HPSE2: variants seen among roughly 807,000 people sequenced by gnomAD.
HPSE2 encodes heparanase 2 (inactive), also known as inactive heparanase-2.
HPSE2 carries 38 observed loss-of-function variants against 60.5 expected under a neutral mutation model. The observed-to-expected ratio is 0.63, with a 90% CI of 0.48 to 0.82. HPSE2 has a LOEUF of 0.82. HPSE2 is among the 40% of genes least tolerant of loss of function. The pLI, the probability that HPSE2 is intolerant of heterozygous loss-of-function variation, is 0.00. For synonymous variants in HPSE2, 295 were observed against 293.2 expected (o/e 1.01, Z -0.06); for missense variants, 713 against 740.4 (o/e 0.96, Z 0.43).
chr10:98,762,398 G>C (rs547279203), intron 3 of HPSE2, among the ~76,000 whole-genome samples: 11 of 152,066 alleles, frequency 7.2e-5, no homozygotes, highest in Admixed American at 2.6e-4. Context: ...GAGACAGAGA[G>C]AAAATGTTCG....
intron 3 of HPSE2, among the ~76,000 whole-genome samples, chr10:98,868,784 G>A (rs1246161308): frequency 6.6e-6 from 1 of 152,026 alleles, no homozygotes; most frequent in African/African-American, 2.4e-5. Flanking sequence ...AATTTTGATT[G>A]TTGTATTTTT....
At position 98,819,185 on chromosome 10, in the gene HPSE2, C is replaced by T. The variant is rs145126076; in HGVS notation, c.611-75129G>A. Among the ~76,000 whole-genome samples, 35 of 149,894 alleles carry T rather than the reference C, an allele frequency of 2.3e-4. No individual in the cohort carries two copies. In the East Asian group the frequency reaches 5.4e-3, roughly 23 times the overall value. On this transcript the variant is annotated intron_variant, in intron 3 of 11. Transcript: ENST00000370552. Reference sequence around the variant, plus strand: ...GAGGGTGCTCCAAAAAACCTACAGGCGATCTTTCAATCTTGTCTCTTAATC... The same window carrying T: ...GAGGGTGCTCCAAAAAACCTACAGGTGATCTTTCAATCTTGTCTCTTAATC...
intron 6 of HPSE2, among the ~76,000 whole-genome samples, chr10:98,653,976 T>G (rs1289238132): frequency 1.3e-5 from 2 of 150,918 alleles, no homozygotes; most frequent in Admixed American, 6.6e-5. Flanking sequence ...GAACTCTAGT[T>G]TTTTTTTTTT....
At chr10:98,665,071 A>G (rs1947327366) in intron 6 of HPSE2, among the ~76,000 whole-genome samples, 2 of 152,186 alleles carry the variant, frequency 1.3e-5, no homozygotes, top group South Asian at 4.1e-4. Context: ...CAAGAACTGA[A>G]AGATAAAGTA....
chr10:99,062,420 C>A (rs774557627), intron 3 of HPSE2, among the ~76,000 whole-genome samples: 8 of 152,320 alleles, frequency 5.3e-5, no homozygotes, highest in Non-Finnish European at 7.3e-5. Context: ...TTCCAACATT[C>A]TTCCAGTCAT....
Position 99,133,211 on chromosome 10 carries a change from T to G in HPSE2, c.610+11027A>C, listed in dbSNP as rs560942949. Reference sequence around the variant, plus strand: ...AGATTTCCCTTCTCTGGGCAGGGCATGTCTGAAAAAAAGGCAGCAGCCCCA... The same window carrying G: ...AGATTTCCCTTCTCTGGGCAGGGCAGGTCTGAAAAAAAGGCAGCAGCCCCA... On this transcript the variant is annotated intron_variant, in intron 3 of 11. Transcript: ENST00000370552. 2.1e-3 allele frequency among the ~76,000 whole-genome samples: 321 copies of G among 152,306 alleles called. 5 individuals carry two copies. Among genetic ancestry groups the G allele is most frequent in the Non-Finnish European group, 6.6e-4 (45 of 68,010 alleles).
chr10:99,101,945 A>G (rs1457154632), intron 3 of HPSE2, among the ~76,000 whole-genome samples: 1 of 152,222 alleles, frequency 6.6e-6, no homozygotes, highest in East Asian at 1.9e-4. Context: ...ATGAGAACAA[A>G]GACACAACAT....
chr10:99,214,017 CAAAT>C (rs1168268683), intron 2 of HPSE2, among the ~76,000 whole-genome samples: 1 of 152,000 alleles, frequency 6.6e-6, no homozygotes, highest in African/African-American at 2.4e-5. Context: ...AATAAAAAGA[CAAAT>C]AAATGAATTT....
chr10:99,306,674 C>T, the HPSE2 span, among the ~76,000 whole-genome samples: 13 of 152,206 alleles, frequency 8.5e-5, no homozygotes, highest in Non-Finnish European at 1.8e-4. Flanking sequence ...CAATGATCAT[C>T]GCCATGGGGA....
intron 5 of HPSE2, among the ~76,000 whole-genome samples, chr10:98,717,462 G>A (rs147147624): frequency 1.2e-3 from 178 of 152,170 alleles, no homozygotes; most frequent in Non-Finnish European, 2.2e-3. Flanking sequence ...AAGCTTAATC[G>A]TATTGAGCTT....
At chr10:98,545,944 C>A (rs1943658005) in intron 9 of HPSE2, among the ~76,000 whole-genome samples, 1 of 149,766 alleles carries the variant, frequency 6.7e-6, no homozygotes, top group Admixed American at 6.7e-5. Context: ...TGATAAGCAA[C>A]TTCAGCAAAG....
At chr10:98,803,955 C>G (rs1950979989) in intron 3 of HPSE2, among the ~76,000 whole-genome samples, 1 of 151,894 alleles carries the variant, frequency 6.6e-6, no homozygotes. Context: ...TACCCATGAG[C>G]ATGGAATGTT....
chr10:98,780,972 A>G (rs896581961), intron 3 of HPSE2, among the ~76,000 whole-genome samples: 5 of 152,022 alleles, frequency 3.3e-5, no homozygotes, highest in African/African-American at 1.2e-4. Context: ...GTGATGTGCC[A>G]CTTCCAGGCC....
chr10:98,888,167 CA>C (rs1427801774), intron 3 of HPSE2, among the ~76,000 whole-genome samples: 31 of 151,106 alleles, frequency 2.1e-4, no homozygotes, highest in Admixed American at 4.0e-4. Context: ...CACACACACA[CA>C]CACACATGCA....
intron 3 of HPSE2, among the ~76,000 whole-genome samples, chr10:98,771,374 C>T (rs756087767): frequency 6.6e-6 from 1 of 152,074 alleles, no homozygotes; most frequent in Non-Finnish European, 1.5e-5. Context: ...GAGCTGAAGA[C>T]CTCCCTGAAC....
At chr10:98,607,042 T>C (rs983665876) in intron 9 of HPSE2, among the ~76,000 whole-genome samples, 2 of 150,898 alleles carry the variant, frequency 1.3e-5, no homozygotes, top group African/African-American at 4.9e-5. Context: ...CCTGCTTTCC[T>C]TTCTTTTTCT....
chr10:98,748,174 C>T (rs777780463), intron 3 of HPSE2, among the ~76,000 whole-genome samples: 1 of 152,080 alleles, frequency 6.6e-6, no homozygotes, highest in Admixed American at 6.6e-5. Context: ...GTGGCACATG[C>T]CTGTAATCCC....
chr10:98,757,170 G>T (rs1344023805), intron 3 of HPSE2, among the ~76,000 whole-genome samples: 1 of 152,038 alleles, frequency 6.6e-6, no homozygotes, highest in Non-Finnish European at 1.5e-5. Context: ...AGGCATCAAA[G>T]AAACATATCT....
At chr10:98,702,619 G>T (rs1158993411) in intron 5 of HPSE2, among the ~76,000 whole-genome samples, 1 of 152,134 alleles carries the variant, frequency 6.6e-6, no homozygotes, top group Non-Finnish European at 1.5e-5. Context: ...TAGAACTCAG[G>T]ATTAAGAAAC....
Sources: gnomAD v4.1 joint callset for allele counts (sites outside exome capture counted in the v4.1 genomes callset) on GRCh38, gnomAD v4.1.1 for gene constraint, MANE v1.5 for transcripts, NCBI Gene and HGNC (gene_info 2026-07-23, HGNC 2026-07-21) for gene names.